Variants in RFC4 observed in about 807,000 individuals in gnomAD.
RFC4 encodes A1 37 kDa subunit.
RFC4 carries 38 observed loss-of-function variants against 47.6 expected under a neutral mutation model. The ratio of observed to expected loss-of-function variants is 0.80; its 90% CI spans 0.62 to 1.05. RFC4 has a LOEUF of 1.05. RFC4 is among the 50% of genes least tolerant of loss of function. The pLI is 0.00. For synonymous variants in RFC4, 164 were observed against 150.0 expected, an observed-to-expected ratio of 1.09 and a Z score of -0.68; for missense variants, 489 against 434.0, an observed-to-expected ratio of 1.13 and a Z score of -1.13.
At chr3:186,791,294 G>C (rs1336074585) in intron 8 of RFC4, 1 of 205,698 alleles carries the variant, frequency 4.9e-6, no homozygotes, top group Non-Finnish European at 1.0e-5. Flanking sequence ...ATACCAGCCT[G>C]GTCAACCAAC....
rs3917097 is a variant in RFC4 at position 186,805,224 on chromosome 3, G to A, written c.-11-500C>T. Among the ~76,000 whole-genome samples the A allele has an allele frequency of 8.5e-3, 1,286 of 151,886 alleles. 19 individuals carry two copies. The highest frequency in any genetic ancestry group is 0.03 in the African/African-American group (1,227 of 41,420). Reference sequence around the variant, plus strand: ...GGTCAGAACTCAAAGACCTTTTTTTGTTGTTGTTGTTTTTGAGACAGGGTC... The same window carrying A: ...GGTCAGAACTCAAAGACCTTTTTTTATTGTTGTTGTTTTTGAGACAGGGTC... On this transcript the variant is annotated intron_variant, in intron 1 of 10. Transcript: ENST00000296273.
intron 3 of RFC4, among the ~76,000 whole-genome samples, chr3:186,799,273 T>C (rs1269639506): frequency 6.6e-6 from 1 of 152,352 alleles, no homozygotes; most frequent in African/African-American, 2.4e-5. Flanking sequence ...GAAAAAATTA[T>C]CTTCTTATAA....
At chr3:186,799,064 G>A (rs1423430712) in intron 3 of RFC4, among the ~76,000 whole-genome samples, 3 of 152,160 alleles carry the variant, frequency 2.0e-5, no homozygotes, top group Non-Finnish European at 2.9e-5. Context: ...AGGCTTCTTA[G>A]TAATTAAGGT....
At chr3:186,792,429 T>A (rs1722159924) in intron 7 of RFC4, 61 bp downstream of exon 7, 3 of 1,470,826 alleles carry the variant, frequency 2.0e-6, no homozygotes, top group Middle Eastern at 3.7e-4. Context: ...TTTCAGGGCC[T>A]CTTTATATGC....
chr3:186,794,707 C>G lies in RFC4; in HGVS notation c.361G>C (p.Glu121Gln). Residue 121 changes from glutamate to glutamine, a missense_variant, in exon 5 of 11, where the codon GAG becomes CAG. Physicochemically the swap from Glu to Gln is conservative, Grantham distance 29. Around this residue, in one of 2 missense-constraint regions of RFC4, gnomAD observed 206 missense variants for 257.8 expected, o/e 0.80. Coordinates refer to ENST00000296273, the MANE Select transcript of RFC4 (RefSeq NM_002916.5). ...AATTGAGCAAAATTTTTCACTTTCT[C>G]TCGAACTACTTGTATTCCACGTTCA... is the stretch of plus-strand genomic sequence containing the variant. ...SDERGIQVVR[E>Q]KVKNFAQLTV... 1 of 1,614,074 alleles carries G rather than the reference C, an allele frequency of 6.2e-7. No individual in the cohort carries two copies. The highest frequency in any genetic ancestry group is 8.5e-7 in the Non-Finnish European group (1 of 1,179,982).
chr3:186,791,820 C>T lies in RFC4; in HGVS notation c.706G>A (p.Gly236Arg). Residue 236 changes from glycine to arginine, a missense_variant, in exon 8 of 11, where the codon GGA (glycine) becomes AGA (arginine). Gly to Arg is a moderately radical substitution (Grantham distance 125). Around this residue, in one of 2 missense-constraint regions of RFC4, gnomAD observed 283 missense variants for 176.2 expected, o/e 1.61. Coordinates refer to ENST00000296273, the MANE Select transcript of RFC4 (RefSeq NM_002916.5). ...AATGTAATGGCTTTTCTTAAGTCTC[C>T]TTCTGACACTTTAACAAGATAAGCT... Reference protein sequence around the residue: ...GIAYLVKVSEGDLRKAITFLQ... With the variant: ...GIAYLVKVSERDLRKAITFLQ... 1.2e-6 allele frequency: 2 copies of T among 1,612,232 alleles called. No homozygotes were observed. The highest frequency in any genetic ancestry group is 1.7e-6 in the Non-Finnish European group (2 of 1,178,468).
At chr3:186,797,860 T>C (rs543884004) in intron 3 of RFC4, among the ~76,000 whole-genome samples, 1 of 152,264 alleles carries the variant, frequency 6.6e-6, no homozygotes, top group Non-Finnish European at 1.5e-5. Flanking sequence ...CCAATATTTA[T>C]GCTTGCTCTA....
chr3:186,792,477 A>G lies in RFC4; in HGVS notation c.675+13T>C. Reference sequence around the variant, plus strand: ...AATTAGTAACTCTAATAATTGTAATAATTAGTAATTACCTCATCACTAATT... The same window carrying G: ...AATTAGTAACTCTAATAATTGTAATGATTAGTAATTACCTCATCACTAATT... On this transcript the variant is annotated intron_variant, in intron 7 of 10. Coordinates refer to ENST00000296273, the MANE Select transcript of RFC4 (RefSeq NM_002916.5). 1.9e-6 allele frequency: 3 copies of G among 1,603,362 alleles called. No individual in the cohort carries two copies. The South Asian group carries it at 3.3e-5, about 18-fold the overall frequency.
intron 2 of RFC4, among the ~76,000 whole-genome samples, 196 bp downstream of exon 2, chr3:186,804,387 G>A (rs1171319205): frequency 6.6e-6 from 1 of 151,706 alleles, no homozygotes; most frequent in Non-Finnish European, 1.5e-5. Context: ...ACAAAATAAG[G>A]GAGTTAAACT....
At chr3:186,805,463 C>T (rs747967241) in intron 1 of RFC4, 1 of 152,242 alleles carries the variant, frequency 6.6e-6, no homozygotes, top group Non-Finnish European at 1.5e-5. Context: ...CTCAAGTAAT[C>T]CTCCTGCCCC....
chr3:186,794,040 G>A (rs1413890593), intron 5 of RFC4, among the ~76,000 whole-genome samples: 1 of 152,038 alleles, frequency 6.6e-6, no homozygotes, highest in Non-Finnish European at 1.5e-5. Flanking sequence ...TTTTTTAATT[G>A]GGTTATTTGT....
intron 2 of RFC4, chr3:186,801,551 A>AAC (rs1338260185): frequency 5.5e-6 from 1 of 183,326 alleles, no homozygotes; most frequent in Non-Finnish European, 1.1e-5. Context: ...CTCTACTAAA[A>AAC]ACACAAAAAA....
chr3:186,790,960 C>T (rs1037976950), intron 8 of RFC4, among the ~76,000 whole-genome samples: 1 of 151,996 alleles, frequency 6.6e-6, no homozygotes, highest in Non-Finnish European at 1.5e-5. Flanking sequence ...GAAGGCCTAC[C>T]GTGCAGGTGA....
chr3:186,794,818 T>A, intron 4 of RFC4, 41 bp from the exon 5 acceptor site: 1 of 1,607,480 alleles, frequency 6.2e-7, no homozygotes, highest in South Asian at 1.1e-5. Context: ...AGAGCACAAG[T>A]AGGCTTAAAT....
intron 8 of RFC4, chr3:186,791,480 A>C (rs545780589): frequency 8.2e-5 from 38 of 461,266 alleles, no homozygotes; most frequent in South Asian, 6.2e-4. Flanking sequence ...AAAAAAAAAA[A>C]AACAAAAAAA....
Position 186,791,786 on chromosome 3 carries a change from C to T in RFC4, c.740G>A (p.Ser247Asn). The change falls in exon 8 of 11, where the codon AGC becomes AAC. Residue 247 changes from serine to asparagine, a missense_variant. Ser to Asn is a conservative substitution (Grantham distance 46). Transcript: ENST00000296273. ...CTTTCCACCTGTTAATCGAGTAGCG[C>T]TTTGAAGAAATGTAATGGCTTTTCT... ...DLRKAITFLQ[S>N]ATRLTGGKEI... is the part of the protein sequence containing the mutation. 6.2e-7 allele frequency: 1 copy of T among 1,610,916 alleles called. No homozygotes were observed. Among genetic ancestry groups the T allele is most frequent in the Non-Finnish European group, 8.5e-7 (1 of 1,177,136 alleles).
intron 3 of RFC4, among the ~76,000 whole-genome samples, chr3:186,799,745 T>C (rs987162241): frequency 2.6e-5 from 4 of 151,858 alleles, no homozygotes; most frequent in African/African-American, 9.7e-5. Context: ...ACAAAAGAAC[T>C]GGATCTTAAT....
rs144948498 is a variant in RFC4, at chr3:186,790,425, G to A, written c.802-19C>T. 3.4e-4 allele frequency: 526 copies of A among 1,563,934 alleles called. 1 individual carries two copies. In the African/African-American group the frequency reaches 5.4e-3, roughly 16 times the overall value. On this transcript the variant is annotated intron_variant, in intron 8 of 10. Coordinates refer to ENST00000296273, the MANE Select transcript of RFC4 (RefSeq NM_002916.5). Reference sequence around the variant, plus strand: ...GTATTACCTAGGTAATTGAATGTTCGGTATTAAAGATGTTTCTAGGTGAGA... The same window carrying A: ...GTATTACCTAGGTAATTGAATGTTCAGTATTAAAGATGTTTCTAGGTGAGA...
At chr3:186,799,848 ACT>A (rs1010560283) in intron 3 of RFC4, among the ~76,000 whole-genome samples, 2 of 152,224 alleles carry the variant, frequency 1.3e-5, no homozygotes, top group Non-Finnish European at 1.5e-5. Flanking sequence ...AATGGTATAT[ACT>A]GTTACCAAGA....
Sources: allele counts gnomAD v4.1 joint callset (sites outside exome capture counted in the v4.1 genomes callset), GRCh38; gene constraint gnomAD v4.1.1; regional missense constraint gnomAD v4.1.1; transcripts MANE v1.5; gene names NCBI Gene and HGNC (gene_info 2026-07-23, HGNC 2026-07-21).